Variants in PKD1 observed in about 807,000 individuals in gnomAD.
PKD1 encodes the protein polycystin 1, transient receptor potential channel interacting.
In PKD1, 81 loss-of-function variants were observed where a neutral mutation model predicts 361.7. The observed-to-expected ratio is 0.22, with a 90% CI of 0.19 to 0.27. PKD1 has a LOEUF of 0.27. Ranked by LOEUF, PKD1 falls within the 10% of genes least tolerant of loss-of-function variation. PKD1 has a pLI of 1.00. For missense variants in PKD1, 6,399 were observed against 6,118.3 expected, an observed-to-expected ratio of 1.05 and a Z score of -1.53; for synonymous variants, 3,615 against 2,818.3, an observed-to-expected ratio of 1.28 and a Z score of -8.95.
intron 9 of PKD1, 49 bp from the exon 10 acceptor site, chr16:2,115,674 G>A (rs753767671): frequency 1.2e-5 from 18 of 1,564,520 alleles, no homozygotes; most frequent in Admixed American, 3.4e-5. Context: ...ACAGGCCACC[G>A]TCAGAGATGC....
intron 1 of PKD1, among the ~76,000 whole-genome samples, chr16:2,125,905 G>C (rs917723242): frequency 6.6e-6 from 1 of 152,120 alleles, no homozygotes; most frequent in Non-Finnish European, 1.5e-5. Context: ...AGGCTCAAGG[G>C]GCCCTCCTCC....
chr16:2,117,634 G>C lies in PKD1; in HGVS notation c.1240C>G (p.Pro414Ala). ...PLCPSDTEIF[P>A]GNGHCYRLVV... ...AGGCGGTAGCAGTGCCCGTTGCCAG[G>C]GAAGATCTCCGTGTCCGAGGGGCAG... Residue 414 changes from proline (P) to alanine (A), a missense_variant, in exon 6 of 46, where the codon CCT (proline) becomes GCT (alanine). Physicochemically the swap from Pro to Ala is conservative, Grantham distance 27. Coordinates refer to ENST00000262304, the MANE Select transcript of PKD1 (RefSeq NM_001009944.3). 3 of 1,610,696 alleles carry C rather than the reference G, an allele frequency of 1.9e-6. No individual in the cohort carries two copies. Among genetic ancestry groups the C allele is most frequent in the Non-Finnish European group, 2.5e-6 (3 of 1,179,718 alleles).
In PKD1 at chr16:2,090,988, C is replaced by G; in HGVS notation, c.11899G>C (p.Val3967Leu). ...GTGAAGCGGCGCGGGCGGCCGCGCA[C>G]GAAACGGGTCCACTGGCGGTCAGCG... ...GAADRQWTRF[V>L]RGRPRRFTSF... The change falls in exon 43 of 46, where the codon GTG becomes CTG. Residue 3967 changes from valine (V) to leucine (L), a missense_variant. Val to Leu is a conservative substitution (Grantham distance 32). Transcript: ENST00000262304. The G allele has an allele frequency of 6.5e-7, 1 of 1,536,078 alleles. No individual in the cohort carries two copies. The highest frequency in any genetic ancestry group is 8.7e-7 in the Non-Finnish European group (1 of 1,146,832).
chr16:2,092,875 C>T (rs2091661957), intron 38 of PKD1, 79 bp downstream of exon 38: 1 of 1,533,646 alleles, frequency 6.5e-7, no homozygotes, highest in Non-Finnish European at 9.0e-7. Context: ...TACACATGTC[C>T]ACATGTCCCC....
intron 32 of PKD1, 95 bp from the exon 33 acceptor site, chr16:2,097,598 C>G: frequency 6.2e-7 from 1 of 1,609,608 alleles, no homozygotes; most frequent in Non-Finnish European, 8.5e-7. Flanking sequence ...GGCTTCCGAG[C>G]AAACCTGCTC....
rs2091621215 is a variant in PKD1 at position 2,092,157 on chromosome 16, G to A, written c.11301C>T (p.Val3767=). The change falls in exon 40 of 46, where the codon GTC becomes GTT. Residue 3767 remains valine (V), a synonymous_variant. Transcript: ENST00000262304. ...ALYPDPPGPR[V]HTCSAAGGFS... ...AGCCTCCTGCGGCCGAGCACGTGTG[G>A]ACCCTGGGGCCGGGAGGGTCTGGGT... is the stretch of plus-strand genomic sequence containing the variant. The A allele has an allele frequency of 1.2e-6, 2 of 1,611,538 alleles. No homozygotes were observed. Among genetic ancestry groups the A allele is most frequent in the Non-Finnish European group, 1.7e-6 (2 of 1,179,550 alleles).
intron 1 of PKD1, among the ~76,000 whole-genome samples, chr16:2,130,941 G>C (rs1358985041): frequency 1.3e-5 from 2 of 152,248 alleles, no homozygotes; most frequent in African/African-American, 4.8e-5. Context: ...GCCAGGGTGA[G>C]TGGCAACCAG....
At chr16:2,116,768 G>T (rs967331679) in intron 7 of PKD1, 65 bp downstream of exon 7, 110 of 1,102,424 alleles carry the variant, frequency 1.0e-4, no homozygotes, top group East Asian at 2.1e-4. Flanking sequence ...AGGCTCCACC[G>T]CGGGCGCTCG....
At position 2,100,020 on chromosome 16, in the gene PKD1, C is replaced by G; in HGVS notation, c.9764G>C (p.Arg3255Pro). The G allele has an allele frequency of 6.3e-7, 1 of 1,575,654 alleles. No individual in the cohort carries two copies. Among genetic ancestry groups the G allele is most frequent in the Non-Finnish European group, 8.6e-7 (1 of 1,162,226 alleles). Reference protein sequence around the residue: ...FRRLLVAELQRGFFDKHIWLS... With the variant: ...FRRLLVAELQPGFFDKHIWLS... Reference sequence around the variant, plus strand: ...CCAGATGTGCTTGTCAAAGAAGCCACGCTGCAGCTCAGCCACCAGCAGGCG... The same window carrying G: ...CCAGATGTGCTTGTCAAAGAAGCCAGGCTGCAGCTCAGCCACCAGCAGGCG... The change falls in exon 29 of 46, where the codon CGT becomes CCT. Residue 3255 changes from arginine (R) to proline (P), a missense_variant. By Grantham distance (103) the Arg-to-Pro change is moderately radical. Coordinates refer to ENST00000262304, the MANE Select transcript of PKD1 (RefSeq NM_001009944.3). This position sits in a 1 kb window ranked among gnomAD's most constrained non-coding sequence, Gnocchi z 4.4.
rs545637917 is a variant in PKD1 at position 2,115,229 on chromosome 16, C to G, written c.2097+149G>C. 30 of 1,047,526 alleles carry G rather than the reference C, an allele frequency of 2.9e-5. No individual in the cohort carries two copies. In the African/African-American group the frequency reaches 4.6e-4, roughly 16 times the overall value. 64.9% of individuals were successfully genotyped at this position (1,047,526 alleles called of 1,614,324 possible). Reference sequence around the variant, plus strand: ...TCTCCCACTGGGAGAGGGCCGAGGGCACTGCAGAGGTCGGAGGTCAGAGGT... The same window carrying G: ...TCTCCCACTGGGAGAGGGCCGAGGGGACTGCAGAGGTCGGAGGTCAGAGGT... On this transcript the variant is annotated intron_variant, in intron 10 of 45. Coordinates refer to ENST00000262304, the MANE Select transcript of PKD1 (RefSeq NM_001009944.3).
rs1596559876 is a variant in PKD1, at chr16:2,110,931, G to A, written c.4236C>T (p.Tyr1412=). 8 of 1,611,032 alleles carry A rather than the reference G, an allele frequency of 5.0e-6. No homozygotes were observed. The highest frequency in any genetic ancestry group is 2.2e-5 in the East Asian group (1 of 44,900). The change falls in exon 15 of 46, where the codon TAC becomes TAT. Residue 1412 remains tyrosine, a synonymous_variant. Coordinates refer to ENST00000262304, the MANE Select transcript of PKD1 (RefSeq NM_001009944.3). ...CTTCCTCGGTGCCAAAGTCCCAGGT[G>A]TAGCGGTAGGGGAACGGGGGCCAGG... ...ACAWPPFPYR[Y]TWDFGTEEAA...
intron 11 of PKD1, among the ~76,000 whole-genome samples, chr16:2,113,624 A>G (rs1247023601): frequency 1.3e-5 from 2 of 152,184 alleles, no homozygotes; most frequent in Non-Finnish European, 2.9e-5. Context: ...CTCCTCACCC[A>G]GAGAGCTCGG....
rs767533502 is a variant in PKD1, at chr16:2,094,186, T to G, written c.10524A>C (p.Thr3508=). ...CCAGCCTCTGCAGCGCCAGCGTCTC[T>G]GTCTTCTCCCCAGGAGTGCTGGACC... ...SSLSSTPGEK[T]ETLALQRLGE... is the part of the protein sequence containing the mutation. Residue 3508 remains threonine, a synonymous_variant, in exon 35 of 46, where the codon ACA becomes ACC. Transcript: ENST00000262304. 1.2e-6 allele frequency: 2 copies of G among 1,605,842 alleles called. No homozygotes were observed. The highest frequency in any genetic ancestry group is 1.7e-6 in the Non-Finnish European group (2 of 1,175,216).
At chr16:2,092,685 C>T in intron 38 of PKD1, 93 bp from the exon 39 acceptor site, 1 of 962,562 alleles carries the variant, frequency 1.0e-6, no homozygotes, top group Admixed American at 2.0e-5. Context: ...ATGGCTCCCA[C>T]TGCCCTGCTG....
intron 26 of PKD1, among the ~76,000 whole-genome samples, chr16:2,101,189 G>A (rs2092082875): frequency 6.6e-6 from 1 of 152,032 alleles, no homozygotes; most frequent in African/African-American, 2.4e-5. Context: ...GGGTTTCACC[G>A]TTAGCCAGGA....
rs770764362 is a variant in PKD1, at chr16:2,108,507, C to T, written c.6660G>A (p.Arg2220=). The T allele has an allele frequency of 4.4e-6, 7 of 1,608,752 alleles. No homozygotes were observed. The Admixed American group carries it at 5.0e-5, about 11-fold the overall frequency. ...DVSRPRLVLP[R]LALPVGHYCF... ...AGTAGTGCCCCACAGGCAGCGCCAGCCGCGGCAGCACCAGCCGAGGCCGGC... is the reference window on the plus strand; with the variant it reads ...AGTAGTGCCCCACAGGCAGCGCCAGTCGCGGCAGCACCAGCCGAGGCCGGC... The change falls in exon 15 of 46, where the codon CGG becomes CGA. Residue 2220 remains arginine (R), a synonymous_variant. Coordinates refer to ENST00000262304, the MANE Select transcript of PKD1 (RefSeq NM_001009944.3).
Position 2,110,793 on chromosome 16 carries a change from G to C in PKD1, c.4374C>G (p.Ala1458=), listed in dbSNP as rs146001729. 1 of 1,611,220 alleles carries C rather than the reference G, an allele frequency of 6.2e-7. No individual in the cohort carries two copies. The highest frequency in any genetic ancestry group is 1.3e-5 in the African/African-American group (1 of 74,980). The change falls in exon 15 of 46, where the codon GCC becomes GCG. Residue 1458 remains alanine (A), a synonymous_variant. Coordinates refer to ENST00000262304, the MANE Select transcript of PKD1 (RefSeq NM_001009944.3). ...SNNISAANDS[A]LVEVQEPVLV... is the part of the protein sequence containing the mutation. ...GCACGGGCTCCTGCACCTCCACCAG[G>C]GCTGAGTCATTGGCAGCAGAGATGT...
At chr16:2,094,338 G>A in intron 34 of PKD1, 128 bp from the exon 35 acceptor site, 1 of 707,108 alleles carries the variant, frequency 1.4e-6, no homozygotes, top group South Asian at 1.5e-5. Flanking sequence ...CAAAAAGCCG[G>A]AAGACCCTAC....
rs1337022607 is a variant in PKD1, at chr16:2,109,283, G to C, written c.5884C>G (p.Gln1962Glu). ...GCCTCCAGCACCACGATGCGCACCT[G>C]CGCCTGGGCCCAGCTCACGTGGTTT... ...GKNHVSWAQA[Q>E]VRIVVLEAVS... Residue 1962 changes from glutamine (Q) to glutamate (E), a missense_variant, in exon 15 of 46, where the codon CAG becomes GAG. Physicochemically the swap from Gln to Glu is conservative, Grantham distance 29. Transcript: ENST00000262304. 1.3e-6 allele frequency: 2 copies of C among 1,583,704 alleles called. No individual in the cohort carries two copies. Among genetic ancestry groups the C allele is most frequent in the Admixed American group, 1.7e-5 (1 of 59,368 alleles).
Sources: gnomAD v4.1 joint callset for allele counts (sites outside exome capture counted in the v4.1 genomes callset) on GRCh38, gnomAD v4.1.1 for gene constraint, Gnocchi (gnomAD v3.1) non-coding constraint, MANE v1.5 for transcripts, NCBI Gene and HGNC (gene_info 2026-07-23, HGNC 2026-07-21) for gene names.